Variants in UBASH3A observed in about 807,000 individuals in gnomAD.
The protein encoded by UBASH3A is ubiquitin associated and SH3 domain containing A.
Under a neutral mutation model 73.5 loss-of-function variants are expected in UBASH3A, and 63 were observed. The observed-to-expected ratio is 0.86, with a 90% CI of 0.70 to 1.06. The LOEUF is 1.06. Ranked by LOEUF, UBASH3A falls within the 50% of genes least tolerant of loss-of-function variation. The probability of loss-of-function intolerance (pLI) is 0.00; values close to 1 mark genes in which losing one functional copy is unlikely to be tolerated. For synonymous variants in UBASH3A, 363 were observed against 351.1 expected (o/e 1.03, Z -0.38); for missense variants, 860 against 859.0 (o/e 1.00, Z -0.02).
chr21:42,410,429 C>T (rs2053067486), intron 3 of UBASH3A: 1 of 524,358 alleles, frequency 1.9e-6, no homozygotes, highest in Admixed American at 3.4e-5. Flanking sequence ...CAACACCAGG[C>T]CCCTCGGTGC....
rs1214139967 is a variant in UBASH3A at position 42,437,524 on chromosome 21, CTG to C, written c.1434_1435del (p.Phe479CysfsTer34). Reference sequence around the variant, plus strand: ...CTGGACAGTGGTATCAGAATCAGCTCTGTGTTTGCCTCCCCAGCCCTCCGCTG... The same window carrying C: ...CTGGACAGTGGTATCAGAATCAGCTCTGTTTGCCTCCCCAGCCCTCCGCTG... On this transcript the variant is annotated frameshift_variant, in exon 11 of 15. Coordinates refer to ENST00000319294, the MANE Select transcript of UBASH3A (RefSeq NM_018961.4). LOFTEE classifies it high-confidence loss of function. The C allele has an allele frequency of 1.2e-6, 2 of 1,614,120 alleles. No homozygotes were observed. The highest frequency in any genetic ancestry group is 1.7e-6 in the Non-Finnish European group (2 of 1,180,044).
intron 11 of UBASH3A, among the ~76,000 whole-genome samples, chr21:42,439,445 C>G (rs548757575): frequency 6.6e-6 from 1 of 152,146 alleles, no homozygotes; most frequent in Non-Finnish European, 1.5e-5. Flanking sequence ...GATTGCATCA[C>G]GGCACCTCTG....
At chr21:42,426,945 G>C (rs1260380751) in intron 8 of UBASH3A, 125 bp downstream of exon 8, 8 of 1,282,002 alleles carry the variant, frequency 6.2e-6, no homozygotes, top group Non-Finnish European at 8.5e-6. Context: ...CCCTGCCCTA[G>C]AGCGTGGTCA....
At chr21:42,404,099 C>A in intron 1 of UBASH3A, 41 bp downstream of exon 1, 2 of 1,253,840 alleles carry the variant, frequency 1.6e-6, no homozygotes, top group Non-Finnish European at 2.1e-6. Flanking sequence ...GCCAGTAAGG[C>A]TGGTGCCAGA....
chr21:42,427,011 T>C (rs1249212854), intron 8 of UBASH3A, among the ~76,000 whole-genome samples, 191 bp downstream of exon 8: 1 of 152,106 alleles, frequency 6.6e-6, no homozygotes, highest in Non-Finnish European at 1.5e-5. Context: ...GTCTGTCTGC[T>C]CTGGGCAGAC....
chr21:42,433,492 T>A (rs2053572879), intron 9 of UBASH3A, among the ~76,000 whole-genome samples: 1 of 152,120 alleles, frequency 6.6e-6, no homozygotes, highest in South Asian at 2.1e-4. Flanking sequence ...CCCCACATCC[T>A]TGTCCTCTCC....
At chr21:42,437,780 C>T (rs1040705530) in intron 11 of UBASH3A, among the ~76,000 whole-genome samples, 200 bp downstream of exon 11, 5 of 152,216 alleles carry the variant, frequency 3.3e-5, no homozygotes, top group Non-Finnish European at 7.3e-5. Flanking sequence ...ATACCAGGAC[C>T]GTCAGACCAG....
chr21:42,443,918 C>A (rs2053798469), intron 13 of UBASH3A, among the ~76,000 whole-genome samples: 1 of 152,226 alleles, frequency 6.6e-6, no homozygotes, highest in African/African-American at 2.4e-5. Context: ...TTTGAGTCAG[C>A]TTCCTGGGAA....
At chr21:42,431,961 G>T in intron 8 of UBASH3A, 142 bp from the exon 9 acceptor site, 1 of 580,426 alleles carries the variant, frequency 1.7e-6, no homozygotes. Context: ...CTAATGATTT[G>T]GGCAAAATGG....
At chr21:42,437,466 T>G (rs778048539) in intron 10 of UBASH3A, 22 bp from the exon 11 acceptor site, 2 of 1,607,998 alleles carry the variant, frequency 1.2e-6, no homozygotes, top group South Asian at 1.1e-5. Flanking sequence ...GGGCATTTTC[T>G]GCCTTTTTCA....
chr21:42,409,083 C>T (rs2053039075), intron 2 of UBASH3A, among the ~76,000 whole-genome samples: 1 of 152,056 alleles, frequency 6.6e-6, no homozygotes, highest in Non-Finnish European at 1.5e-5. Flanking sequence ...TTTCCCACAC[C>T]ATCAAGGAGA....
chr21:42,435,207 T>A (rs2053604145), intron 10 of UBASH3A: 4 of 314,280 alleles, frequency 1.3e-5, no homozygotes, highest in South Asian at 1.5e-4. Flanking sequence ...AAGAAAGGCA[T>A]GGAAAGAACA....
intron 14 of UBASH3A, 126 bp from the exon 15 acceptor site, chr21:42,446,931 A>G: frequency 9.5e-7 from 1 of 1,056,000 alleles, no homozygotes; most frequent in Non-Finnish European, 1.4e-6. Flanking sequence ...CAATGGTGGC[A>G]GTGCCAGCCT....
chr21:42,406,971 G>A (rs554455209), intron 2 of UBASH3A, among the ~76,000 whole-genome samples: 2 of 152,266 alleles, frequency 1.3e-5, no homozygotes, highest in East Asian at 3.9e-4. Context: ...ATGCTCTCGG[G>A]CTGCCTCTGA....
intron 3 of UBASH3A, 144 bp downstream of exon 3, chr21:42,409,752 T>C (rs1210124725): frequency 2.9e-6 from 2 of 696,750 alleles, no homozygotes; most frequent in African/African-American, 3.6e-5. Context: ...ATATGAGCTG[T>C]CCTTTATTTT....
chr21:42,444,133 T>A (rs2146613426), intron 13 of UBASH3A, among the ~76,000 whole-genome samples: 1 of 152,248 alleles, frequency 6.6e-6, no homozygotes, highest in African/African-American at 2.4e-5. Context: ...GGTCTCCAGG[T>A]GTTCTTATCT....
rs368394985 is a variant in UBASH3A at position 42,444,672 on chromosome 21, C to A, written c.1848+29C>A. ...CGCGCCCACTCTTGGCTCTTTGGGC[C>A]ACAAAATCAAGCATCCCGAAGACAC... On this transcript the variant is annotated intron_variant, in intron 14 of 14. Transcript: ENST00000319294. 14 of 1,523,436 alleles carry A rather than the reference C, an allele frequency of 9.2e-6. No individual in the cohort carries two copies. The African/African-American group carries it at 1.8e-4, about 19-fold the overall frequency. 94.4% of individuals were successfully genotyped at this position (1,523,436 alleles called of 1,614,324 possible).
rs112012115 is a variant in UBASH3A at position 42,411,493 on chromosome 21, GCATACACA to G, written c.355-1528_355-1521del. ...CACATATGCACACAGATACACACATGCATACACACAGACACACATATAGACATACGCAG... is the reference window on the plus strand; with the variant it reads ...CACATATGCACACAGATACACACATGCAGACACACATATAGACATACGCAG... On this transcript the variant is annotated intron_variant, in intron 3 of 14. Transcript: ENST00000319294. 6.7e-3 allele frequency among the ~76,000 whole-genome samples: 1,004 copies of G among 149,398 alleles called. 6 individuals are homozygous for G. The highest frequency in any genetic ancestry group is 0.023 in the African/African-American group (903 of 40,092).
chr21:42,436,527 G>A (rs1365808000), intron 10 of UBASH3A, among the ~76,000 whole-genome samples: 1 of 152,166 alleles, frequency 6.6e-6, no homozygotes, highest in Middle Eastern at 3.2e-3. Flanking sequence ...CTGGATTAGA[G>A]CCCACCCTAA....
Sources: allele counts gnomAD v4.1 joint callset (sites outside exome capture counted in the v4.1 genomes callset), GRCh38; gene constraint gnomAD v4.1.1; transcripts MANE v1.5; gene names NCBI Gene and HGNC (gene_info 2026-07-23, HGNC 2026-07-21).